The following CLEC16A variants were observed in gnomAD, a reference collection of about 807,000 sequenced individuals.
The protein encoded by CLEC16A is C-type lectin domain containing 16A, also known as protein CLEC16A.
Under a neutral mutation model 109.5 loss-of-function variants are expected in CLEC16A, and 51 were observed. The ratio of observed to expected loss-of-function variants is 0.47; its 90% confidence interval spans 0.37 to 0.59. CLEC16A has a LOEUF of 0.59. CLEC16A is among the 20% of genes least tolerant of loss of function. The pLI, the probability that CLEC16A is intolerant of heterozygous loss-of-function variation, is 0.00. For missense variants in CLEC16A, 1,339 were observed against 1,394.0 expected, an observed-to-expected ratio of 0.96 and a Z score of 0.63; for synonymous variants, 673 against 564.2, an observed-to-expected ratio of 1.19 and a Z score of -2.73.
rs201632629 is a variant in CLEC16A at position 11,181,817 on chromosome 16, G to A, written c.*3127G>A. On this transcript the variant is annotated 3_prime_UTR_variant, in exon 24 of 24. Transcript: ENST00000409790. ...GAAGAAGCGCAGCCCTGCCAGACGCGCTAGATTCCTCTAAGGTCTCTGAGA... is the reference window on the plus strand; with the variant it reads ...GAAGAAGCGCAGCCCTGCCAGACGCACTAGATTCCTCTAAGGTCTCTGAGA... 2.6e-5 allele frequency: 4 copies of A among 152,632 alleles called. No individual in the cohort carries two copies. The highest frequency in any genetic ancestry group is 9.6e-5 in the African/African-American group (4 of 41,454). The allele number at this position is 152,632 out of a possible 1,614,324, so 9.5% of individuals were successfully genotyped here.
chr16:11,137,995 C>T (rs2053648217), intron 22 of CLEC16A, among the ~76,000 whole-genome samples: 3 of 152,202 alleles, frequency 2.0e-5, no homozygotes, highest in African/African-American at 7.2e-5. Context: ...TTCCTTCATG[C>T]TGCTGATGGC....
In CLEC16A at chr16:11,027,422, A is replaced by G. The variant is rs1448792583; in HGVS notation, c.1537+2501A>G. The G allele has an allele frequency of 2.0e-6, 3 of 1,474,142 alleles. No homozygotes were observed. The East Asian group carries it at 6.8e-5, about 33-fold the overall frequency. 91.3% of individuals were successfully genotyped at this position (1,474,142 alleles called of 1,614,324 possible). The stretch of plus-strand genomic sequence containing the variant: ...CCCAGAATCTACAAATGCTGCGTAT[A>G]GTGGAAACTTATGTGACCTGGGGAT... On this transcript the variant is annotated intron_variant, in intron 13 of 23. Transcript: ENST00000409790.
intron 19 of CLEC16A, among the ~76,000 whole-genome samples, chr16:11,103,369 C>G (rs534427820): frequency 2.6e-5 from 4 of 152,304 alleles, no homozygotes; most frequent in African/African-American, 9.6e-5. Flanking sequence ...CACCTGAGAT[C>G]AGGGGTTTGA....
In CLEC16A at chr16:11,024,829, TG is replaced by T; in HGVS notation, c.1447del (p.Asp483IlefsTer37). ...SESTQWSRPF[L>X]DMVYHALDSP... is the part of the protein sequence containing the mutation. ...CCCCTCCTCTTTTCCAGACCCTTCC[TG>T]GATATGGTGTACCACGCGCTGGACA... On this transcript the variant is annotated frameshift_variant, in exon 13 of 24. Transcript: ENST00000409790. LOFTEE classifies it high-confidence loss of function. 1 of 1,600,596 alleles carries T rather than the reference TG, an allele frequency of 6.2e-7. No homozygotes were observed. The highest frequency in any genetic ancestry group is 8.5e-7 in the Non-Finnish European group (1 of 1,173,258).
chr16:10,977,748 C>T (rs138492521), intron 8 of CLEC16A, among the ~76,000 whole-genome samples: 1 of 152,124 alleles, frequency 6.6e-6, no homozygotes, highest in Non-Finnish European at 1.5e-5. Context: ...AAACTCTTGA[C>T]CTCAGGTGAT....
intron 10 of CLEC16A, among the ~76,000 whole-genome samples, chr16:10,990,040 G>A (rs1168314304): frequency 6.6e-6 from 1 of 152,184 alleles, no homozygotes; most frequent in Non-Finnish European, 1.5e-5. Flanking sequence ...TGGTTCCAAG[G>A]CGCGCACATT....
chr16:11,127,294 A>G (rs1348331980), intron 22 of CLEC16A, among the ~76,000 whole-genome samples: 1 of 152,234 alleles, frequency 6.6e-6, no homozygotes, highest in Admixed American at 6.5e-5. Context: ...CTTAACTGTT[A>G]CATGGTATTT....
Position 11,020,178 on chromosome 16 carries a change from C to T in CLEC16A, c.1304-15C>T. On this transcript the variant is annotated splice_polypyrimidine_tract_variant and intron_variant, in intron 11 of 23. Transcript: ENST00000409790. ...AGCTGTCTGGACTCATCCCAGTCTC[C>T]ATTTTGGCTTCCAGAGATCGAGATG... The T allele has an allele frequency of 6.2e-7, 1 of 1,604,966 alleles. No homozygotes were observed. Among genetic ancestry groups the T allele is most frequent in the Non-Finnish European group, 8.5e-7 (1 of 1,174,916 alleles).
chr16:11,004,779 T>C (rs1052942518), intron 11 of CLEC16A, among the ~76,000 whole-genome samples: 4 of 152,156 alleles, frequency 2.6e-5, no homozygotes, highest in Non-Finnish European at 5.9e-5. Flanking sequence ...GAGACCTCTT[T>C]TTATGGTTGA....
At chr16:11,100,607 C>T (rs952653249) in intron 19 of CLEC16A, among the ~76,000 whole-genome samples, 2 of 152,152 alleles carry the variant, frequency 1.3e-5, no homozygotes, top group Non-Finnish European at 2.9e-5. Context: ...ATTGACCTCC[C>T]GGAAGATAAC....
intron 19 of CLEC16A, among the ~76,000 whole-genome samples, chr16:11,107,204 A>G (rs181098865): frequency 1.4e-4 from 22 of 151,804 alleles, no homozygotes; most frequent in East Asian, 1.9e-4. Context: ...TACATACCTC[A>G]TTGCTGGTTT....
At chr16:11,027,663 G>C in intron 13 of CLEC16A, 1 of 1,548,932 alleles carries the variant, frequency 6.5e-7, no homozygotes, top group Non-Finnish European at 8.8e-7. Context: ...CCTCTCAGTG[G>C]CCCATCATGC....
At position 11,042,334 on chromosome 16, in the gene CLEC16A, A is replaced by C. The variant is rs750939114; in HGVS notation, c.1741A>C (p.Met581Leu). The C allele has an allele frequency of 1.0e-5, 16 of 1,591,710 alleles. No individual in the cohort carries two copies. In the South Asian group the frequency reaches 1.8e-4, roughly 18 times the overall value. ...AGTCCTGATGAGTGCTGGCTGCATC[A>C]TGAAGGACGTGCACCTGGCCTGCCT... ...QQVLMSAGCIMKDVHLACLEG... is the reference protein window; with the variant it reads ...QQVLMSAGCILKDVHLACLEG... Residue 581 changes from methionine (M) to leucine (L), a missense_variant, in exon 15 of 24, where the codon ATG becomes CTG. By Grantham distance (15) the Met-to-Leu change is conservative. This residue lies in a region of CLEC16A where 1,061 missense variants were observed against 1,006.8 expected (regional missense o/e 1.05). Coordinates refer to ENST00000409790, the MANE Select transcript of CLEC16A (RefSeq NM_015226.3).
rs74163627 is a variant in CLEC16A at position 11,174,126 on chromosome 16, A to G, written c.2807-4209A>G. ...GCCGTCCCATTGTTAAAGGCTTTCT[A>G]TGATCTGTCGCTGTGTTTTCCCTCT... is the stretch of plus-strand genomic sequence containing the variant. On this transcript the variant is annotated intron_variant, in intron 23 of 23. Transcript: ENST00000409790. This position sits in a 1 kb window ranked among gnomAD's most constrained non-coding sequence, Gnocchi z 4.7. The G allele has an allele frequency of 2.8e-5, 13 of 464,428 alleles. No individual in the cohort carries two copies. The highest frequency in any genetic ancestry group is 7.0e-5 in the East Asian group (1 of 14,208). The allele number at this position is 464,428 out of a possible 1,614,324, so 28.8% of individuals were successfully genotyped here.
chr16:11,035,985 G>A (rs2046994170), intron 13 of CLEC16A: 1 of 152,276 alleles, frequency 6.6e-6, no homozygotes, highest in South Asian at 2.1e-4. Context: ...TGTTCAGAGG[G>A]GTTTCTGTTA....
chr16:10,995,475 A>G (rs2044272005), intron 10 of CLEC16A, among the ~76,000 whole-genome samples: 1 of 152,214 alleles, frequency 6.6e-6, no homozygotes. Context: ...AAGGCCAGCG[A>G]GCAGTAAGTT....
At chr16:11,115,800 G>A (rs897838943) in intron 19 of CLEC16A, among the ~76,000 whole-genome samples, 3 of 151,760 alleles carry the variant, frequency 2.0e-5, no homozygotes, top group African/African-American at 7.3e-5. Context: ...ATCCAGTATG[G>A]AACTAAAAAT....
chr16:10,977,134 C>CTTAGG, intron 7 of CLEC16A, 91 bp from the exon 8 acceptor site: 1 of 1,197,064 alleles, frequency 8.4e-7, no homozygotes, highest in Non-Finnish European at 1.2e-6. Context: ...TGTGGATGAA[C>CTTAGG]TCACAGTGAC....
intron 19 of CLEC16A, among the ~76,000 whole-genome samples, chr16:11,078,102 G>T (rs565507155): frequency 6.6e-6 from 1 of 152,152 alleles, no homozygotes; most frequent in African/African-American, 2.4e-5. Context: ...AAGTGAAAAT[G>T]TGTTTGCCAC....
Sources: gnomAD v4.1 joint callset for allele counts (sites outside exome capture counted in the v4.1 genomes callset) on GRCh38, gnomAD v4.1.1 for gene constraint, gnomAD v4.1.1 regional missense constraint, Gnocchi (gnomAD v3.1) non-coding constraint, MANE v1.5 for transcripts, NCBI Gene and HGNC (gene_info 2026-07-23, HGNC 2026-07-21) for gene names.